Variants in C21orf91 observed in about 807,000 individuals in gnomAD.
C21orf91 encodes protein EURL homolog.
In C21orf91, 26 loss-of-function variants were observed where a neutral mutation model predicts 32.9. That is an observed-to-expected ratio of 0.79 (90% CI 0.58 to 1.10). C21orf91 has a LOEUF of 1.10. C21orf91 is among the 50% of genes least tolerant of loss of function. C21orf91 has a pLI of 0.00. For synonymous variants in C21orf91, 126 were observed against 120.4 expected, an observed-to-expected ratio of 1.05 and a Z score of -0.31; for missense variants, 310 against 341.3, an observed-to-expected ratio of 0.91 and a Z score of 0.72.
At chr21:17,806,897 G>T (rs1416871422) in intron 2 of C21orf91, among the ~76,000 whole-genome samples, 2 of 151,974 alleles carry the variant, frequency 1.3e-5, no homozygotes, top group African/African-American at 2.4e-5. Flanking sequence ...GTGGGAGGTA[G>T]AAAAGACAGA....
Position 17,791,150 on chromosome 21 carries a change from C to T in C21orf91, c.*2265G>A, listed in dbSNP as rs2062470678. 1 of 152,044 alleles carries T rather than the reference C, an allele frequency of 6.6e-6. No individual in the cohort carries two copies. Among genetic ancestry groups the T allele is most frequent in the South Asian group, 2.1e-4 (1 of 4,832 alleles). 9.4% of individuals were successfully genotyped at this position (152,044 alleles called of 1,614,324 possible). On this transcript the variant is annotated 3_prime_UTR_variant, in exon 5 of 5. Coordinates refer to ENST00000284881, the MANE Select transcript of C21orf91 (RefSeq NM_001100420.2). ...TTTGATTAAGAAAACTAACATAGGA[C>T]TAAATTATAAGTTTACCAAACATTT...
At chr21:17,817,281 T>C (rs1372034651) in intron 2 of C21orf91, among the ~76,000 whole-genome samples, 3 of 152,014 alleles carry the variant, frequency 2.0e-5, no homozygotes, top group Admixed American at 6.5e-5. Flanking sequence ...AGGTATATAA[T>C]CCCCCACTAT....
At chr21:17,807,273 GTTGT>G (rs1028294419) in intron 2 of C21orf91, among the ~76,000 whole-genome samples, 2 of 152,062 alleles carry the variant, frequency 1.3e-5, no homozygotes, top group African/African-American at 4.8e-5. Context: ...ACAAAATCTG[GTTGT>G]TTAAAAGTGT....
At chr21:17,804,169 T>G (rs1322103307) in intron 2 of C21orf91, among the ~76,000 whole-genome samples, 1 of 152,174 alleles carries the variant, frequency 6.6e-6, no homozygotes, top group Non-Finnish European at 1.5e-5. Context: ...GAGCAAGCAG[T>G]AGCCAAGCCA....
chr21:17,811,649 C>A (rs926364412), intron 2 of C21orf91, among the ~76,000 whole-genome samples: 1 of 152,044 alleles, frequency 6.6e-6, no homozygotes, highest in East Asian at 1.9e-4. Flanking sequence ...TATTTTTGAT[C>A]CAAGTAGTAG....
At chr21:17,806,125 T>G (rs1395168045) in intron 2 of C21orf91, among the ~76,000 whole-genome samples, 1 of 152,226 alleles carries the variant, frequency 6.6e-6, no homozygotes, top group Non-Finnish European at 1.5e-5. Flanking sequence ...TAACTCTGTC[T>G]CTCTGCCTTT....
intron 4 of C21orf91, among the ~76,000 whole-genome samples, chr21:17,794,529 C>T (rs1046878280): frequency 1.3e-5 from 2 of 152,126 alleles, no homozygotes; most frequent in African/African-American, 4.8e-5. Flanking sequence ...GGAATGGATG[C>T]AAGTAGAGAT....
chr21:17,818,521 TAAAGCCAGGCCATAGGTGA>T (rs1342628485), intron 1 of C21orf91, among the ~76,000 whole-genome samples, 196 bp from the exon 2 acceptor site: 3 of 152,220 alleles, frequency 2.0e-5, no homozygotes, highest in African/African-American at 7.2e-5. Flanking sequence ...TAGTAAAACT[TAAAGCCAGGCCATAGGTGA>T]CACTATGTCC....
intron 2 of C21orf91, among the ~76,000 whole-genome samples, chr21:17,801,087 A>T (rs574801000): frequency 2.6e-5 from 4 of 152,182 alleles, no homozygotes; most frequent in Non-Finnish European, 2.9e-5. Flanking sequence ...TCTACTATAA[A>T]GACACATGCA....
At chr21:17,817,592 T>C (rs1361860401) in intron 2 of C21orf91, 1 of 152,042 alleles carries the variant, frequency 6.6e-6, no homozygotes, top group African/African-American at 2.4e-5. Flanking sequence ...ATCCTTCCAA[T>C]AGGGCTTTTT....
rs537781367 is a variant in C21orf91 at position 17,796,988 on chromosome 21, A to C, written c.258T>G (p.Val86=). 6.2e-7 allele frequency: 1 copy of C among 1,613,754 alleles called. No individual in the cohort carries two copies. The highest frequency in any genetic ancestry group is 1.7e-5 in the Admixed American group (1 of 59,994). ...SKLSKSTYEE[V]KTILSKKINW... is the part of the protein sequence containing the mutation. ...TTATCTTCTTACTCAAAATGGTTTT[A>C]ACTTCTTCATAAGTACTTTTTGAAA... The change falls in exon 3 of 5, where the codon GTT becomes GTG. Residue 86 remains valine, a synonymous_variant. Transcript: ENST00000284881.
chr21:17,811,210 T>G (rs572649491), intron 2 of C21orf91: 1 of 152,316 alleles, frequency 6.6e-6, no homozygotes, highest in African/African-American at 2.4e-5. Context: ...TTACCCAGAC[T>G]CTCTACTCAC....
At chr21:17,806,557 G>A (rs1317614577) in intron 2 of C21orf91, among the ~76,000 whole-genome samples, 2 of 151,960 alleles carry the variant, frequency 1.3e-5, no homozygotes, top group African/African-American at 2.4e-5. Flanking sequence ...AAGAGGGGGA[G>A]GCTGGGCACA....
chr21:17,812,436 TAATG>T (rs2062638271), intron 2 of C21orf91, among the ~76,000 whole-genome samples: 1 of 152,190 alleles, frequency 6.6e-6, no homozygotes, highest in African/African-American at 2.4e-5. Flanking sequence ...GGTGATTAGG[TAATG>T]AGGGCTCTGA....
chr21:17,805,793 T>TC (rs1163810541), intron 2 of C21orf91, among the ~76,000 whole-genome samples: 1 of 152,232 alleles, frequency 6.6e-6, no homozygotes, highest in Admixed American at 6.5e-5. Context: ...TGTTCCATAT[T>TC]CCCCTAAAGG....
intron 2 of C21orf91, among the ~76,000 whole-genome samples, chr21:17,816,190 G>A (rs2062663995): frequency 6.6e-6 from 1 of 152,126 alleles, no homozygotes; most frequent in South Asian, 2.1e-4. Flanking sequence ...TTACACTGAA[G>A]GGAACTATGA....
chr21:17,809,161 T>C (rs1006467513), intron 2 of C21orf91, among the ~76,000 whole-genome samples: 42 of 152,334 alleles, frequency 2.8e-4, no homozygotes, highest in Non-Finnish European at 2.5e-4. Flanking sequence ...GGTAGTTCTT[T>C]ATAGCAGTGT....
At chr21:17,817,990 A>T in intron 2 of C21orf91, 3 of 287,118 alleles carry the variant, frequency 1.0e-5, no homozygotes, top group Non-Finnish European at 1.9e-5. Flanking sequence ...AGGGGTCTTT[A>T]AAAAAAAAAG....
At chr21:17,808,944 T>C (rs1176688603) in intron 2 of C21orf91, 3 of 152,278 alleles carry the variant, frequency 2.0e-5, no homozygotes, top group Non-Finnish European at 1.5e-5. Flanking sequence ...GTTCTCATGA[T>C]AGTGACTTCT....
Sources: allele counts gnomAD v4.1 joint callset (sites outside exome capture counted in the v4.1 genomes callset), GRCh38; gene constraint gnomAD v4.1.1; transcripts MANE v1.5; gene names NCBI Gene and HGNC (gene_info 2026-07-23, HGNC 2026-07-21).